SLC24A3: variants seen among roughly 807,000 people sequenced by gnomAD.
SLC24A3 encodes sodium/potassium/calcium exchanger 3.
Under a neutral mutation model 75.8 loss-of-function variants are expected in SLC24A3, and 28 were observed. That is an observed-to-expected ratio of 0.37 (90% CI 0.27 to 0.51). The LOEUF (loss-of-function observed/expected upper bound fraction) is 0.51. Ranked by LOEUF, SLC24A3 falls within the 20% of genes least tolerant of loss-of-function variation. SLC24A3 has a pLI of 0.94. For synonymous variants in SLC24A3, 372 were observed against 334.1 expected (o/e 1.11, Z -1.24); for missense variants, 663 against 847.8 (o/e 0.78, Z 2.71).
intron 6 of SLC24A3, among the ~76,000 whole-genome samples, chr20:19,597,583 T>C (rs7270331): frequency 0.012 from 1,838 of 152,206 alleles, 44 homozygotes; most frequent in African/African-American, 0.042. Context: ...ACGTTTCAAG[T>C]CCTCTCTTCT....
At chr20:19,490,290 T>A (rs1400991007) in intron 2 of SLC24A3, among the ~76,000 whole-genome samples, 1 of 152,184 alleles carries the variant, frequency 6.6e-6, no homozygotes, top group Non-Finnish European at 1.5e-5. Flanking sequence ...GCTCCTGGTT[T>A]ATTTTCCCAA....
At chr20:19,641,964 T>C (rs2032079915) in intron 6 of SLC24A3, among the ~76,000 whole-genome samples, 1 of 152,204 alleles carries the variant, frequency 6.6e-6, no homozygotes, top group Non-Finnish European at 1.5e-5. Context: ...CCATGTGCAC[T>C]CTGCAGTAAG....
chr20:19,520,578 T>C (rs909197205), intron 3 of SLC24A3, among the ~76,000 whole-genome samples: 2 of 152,184 alleles, frequency 1.3e-5, no homozygotes, highest in Non-Finnish European at 2.9e-5. Context: ...CCAAGCAGGA[T>C]TCTTGTGCTG....
At chr20:19,424,750 A>C (rs1403969815) in intron 2 of SLC24A3, among the ~76,000 whole-genome samples, 150 of 148,858 alleles carry the variant, frequency 1.0e-3, no homozygotes, top group African/African-American at 3.5e-3. Flanking sequence ...AACAACAAAA[A>C]AAAAAAAAAA....
chr20:19,557,768 A>G (rs1160798947), intron 3 of SLC24A3, among the ~76,000 whole-genome samples: 2 of 152,210 alleles, frequency 1.3e-5, no homozygotes, highest in African/African-American at 4.8e-5. Flanking sequence ...AATCTGTTCT[A>G]ACAGTGACTT....
chr20:19,452,182 G>A (rs1307364344), intron 2 of SLC24A3, among the ~76,000 whole-genome samples: 4 of 152,174 alleles, frequency 2.6e-5, no homozygotes, highest in African/African-American at 9.7e-5. Context: ...CATTTGAGAA[G>A]CCAAGAGGAA....
intron 12 of SLC24A3, among the ~76,000 whole-genome samples, chr20:19,686,538 G>A (rs2032677950): frequency 6.6e-6 from 1 of 152,204 alleles, no homozygotes; most frequent in Non-Finnish European, 1.5e-5. Context: ...TACATGTGCA[G>A]CAACCTCTTC....
chr20:19,355,212 A>G (rs1301609041), intron 2 of SLC24A3: 10 of 152,170 alleles, frequency 6.6e-5, no homozygotes. Flanking sequence ...ACTGCATTAC[A>G]GACTCAGCCT....
rs1600261514 is a variant in SLC24A3 at position 19,515,359 on chromosome 20, A to C, written c.272-129A>C. ...ACACTAAATTCTGGTTAGTTTTGTG[A>C]ACTTAAAGATTCAGGATCTTTTTTT... On this transcript the variant is annotated intron_variant, in intron 2 of 16. Coordinates refer to ENST00000328041, the MANE Select transcript of SLC24A3 (RefSeq NM_020689.4). The C allele has an allele frequency of 4.5e-6, 4 of 887,618 alleles. No homozygotes were observed. The East Asian group carries it at 1.0e-4, about 23-fold the overall frequency. 55.0% of individuals were successfully genotyped at this position (887,618 alleles called of 1,614,324 possible).
intron 2 of SLC24A3, among the ~76,000 whole-genome samples, chr20:19,486,789 G>A (rs901285355): frequency 1.3e-5 from 2 of 152,236 alleles, no homozygotes; most frequent in African/African-American, 4.8e-5. Flanking sequence ...TGAAGTGGAA[G>A]GATGTGGATT....
intron 15 of SLC24A3, among the ~76,000 whole-genome samples, chr20:19,710,263 A>G (rs1240516155): frequency 6.6e-6 from 1 of 152,220 alleles, no homozygotes; most frequent in East Asian, 1.9e-4. Flanking sequence ...GGAAATCAGA[A>G]TCTTTTAGGG....
chr20:19,539,135 CTGT>C (rs147147162), intron 3 of SLC24A3, among the ~76,000 whole-genome samples: 36,929 of 152,066 alleles, frequency 0.24, 4,671 homozygotes, highest in African/African-American at 0.28. Context: ...TAGTTACATT[CTGT>C]TGTTTCTTGG....
intron 7 of SLC24A3, among the ~76,000 whole-genome samples, chr20:19,655,589 A>C (rs142902531): frequency 2.0e-5 from 3 of 152,240 alleles, no homozygotes; most frequent in Non-Finnish European, 4.4e-5. Flanking sequence ...TCAGCGTTTG[A>C]ATCCTAGAAG....
chr20:19,645,336 A>C (rs1194903265), intron 6 of SLC24A3, among the ~76,000 whole-genome samples: 1 of 152,226 alleles, frequency 6.6e-6, no homozygotes. Flanking sequence ...AAGAGATGGC[A>C]ACTGATTGTG....
intron 1 of SLC24A3, among the ~76,000 whole-genome samples, chr20:19,256,019 A>T (rs903179292): frequency 1.2e-4 from 18 of 152,010 alleles, no homozygotes; most frequent in African/African-American, 4.4e-4. Context: ...GGATTGCTTG[A>T]GCCCAGCAGT....
At chr20:19,382,494 A>G (rs1986199688) in intron 2 of SLC24A3, among the ~76,000 whole-genome samples, 1 of 152,198 alleles carries the variant, frequency 6.6e-6, no homozygotes, top group South Asian at 2.1e-4. Context: ...AGACGCTGTT[A>G]TCTTTGTTCC....
At chr20:19,333,060 A>G (rs1985037957) in intron 2 of SLC24A3, among the ~76,000 whole-genome samples, 1 of 152,146 alleles carries the variant, frequency 6.6e-6, no homozygotes, top group Admixed American at 6.5e-5. Context: ...CCTGCCAGAA[A>G]CTGGGAGGGC....
intron 2 of SLC24A3, among the ~76,000 whole-genome samples, chr20:19,360,921 G>A (rs914397648): frequency 6.6e-6 from 1 of 152,094 alleles, no homozygotes; most frequent in Non-Finnish European, 1.5e-5. Flanking sequence ...CTGCCTCCAG[G>A]GTTCACGCCG....
rs571774055 is a variant in SLC24A3, at chr20:19,610,104, G to T, written c.612+24560G>T. On this transcript the variant is annotated intron_variant, in intron 6 of 16. Coordinates refer to ENST00000328041, the MANE Select transcript of SLC24A3 (RefSeq NM_020689.4). ...GAAATAAAGCTTTTTGTGACAGTTGGTACTTTTTTCTTATTTTTCTTTCCT... is the reference window on the plus strand; with the variant it reads ...GAAATAAAGCTTTTTGTGACAGTTGTTACTTTTTTCTTATTTTTCTTTCCT... 3.3e-5 allele frequency among the ~76,000 whole-genome samples: 5 copies of T among 152,254 alleles called. No individual in the cohort carries two copies. In the South Asian group the frequency reaches 8.3e-4, roughly 25 times the overall value.
Sources: allele counts gnomAD v4.1 joint callset (sites outside exome capture counted in the v4.1 genomes callset), GRCh38; gene constraint gnomAD v4.1.1; transcripts MANE v1.5; gene names NCBI Gene and HGNC (gene_info 2026-07-23, HGNC 2026-07-21).